PID1: variants seen among roughly 807,000 people sequenced by gnomAD.
The protein encoded by PID1 is phosphotyrosine interaction domain containing 1.
A neutral mutation model predicts 19.1 loss-of-function variants in PID1; 10 were observed. The ratio of observed to expected loss-of-function variants is 0.52; its 90% CI spans 0.32 to 0.89. The LOEUF is 0.89. Ranked by LOEUF, PID1 falls within the 40% of genes least tolerant of loss-of-function variation. The pLI, the probability that PID1 is intolerant of heterozygous loss-of-function variation, is 0.03. For missense variants in PID1, 248 were observed against 285.3 expected, an observed-to-expected ratio of 0.87 and a Z score of 0.94; for synonymous variants, 130 against 116.0, an observed-to-expected ratio of 1.12 and a Z score of -0.78.
chr2:229,116,249 T>C (rs1695409639), intron 2 of PID1, among the ~76,000 whole-genome samples: 1 of 152,048 alleles, frequency 6.6e-6, no homozygotes, highest in South Asian at 2.1e-4. Context: ...TTAATAAATA[T>C]TCAGAAGAAG....
chr2:229,214,454 G>T (rs908134080), intron 1 of PID1, among the ~76,000 whole-genome samples: 1 of 152,076 alleles, frequency 6.6e-6, no homozygotes, highest in Non-Finnish European at 1.5e-5. Context: ...AGATCCTGAG[G>T]ATATTGAAGG....
At position 229,025,645 on chromosome 2, in the gene PID1, G is replaced by A; in HGVS notation, c.641C>T (p.Ser214Phe). 6.2e-7 allele frequency: 1 copy of A among 1,609,158 alleles called. No homozygotes were observed. The highest frequency in any genetic ancestry group is 2.2e-5 in the East Asian group (1 of 44,696). ...TCTCAAGTTCATTCAGCCATCATCGGATTCCAATTCCTGGGAAACCTCTTC... is the reference window on the plus strand; with the variant it reads ...TCTCAAGTTCATTCAGCCATCATCGAATTCCAATTCCTGGGAAACCTCTTC... Reference protein sequence around the residue: ...SSEEVSQELESDDG With the variant: ...SSEEVSQELEFDDG Residue 214 changes from serine to phenylalanine, a missense_variant, in exon 3 of 3, where the codon TCC becomes TTC. Physicochemically the swap from Ser to Phe is radical, Grantham distance 155 (BLOSUM62 -2). Transcript: ENST00000392055.
intron 2 of PID1, among the ~76,000 whole-genome samples, chr2:229,093,273 GC>G (rs1694911567): frequency 6.6e-6 from 1 of 151,854 alleles, no homozygotes; most frequent in Non-Finnish European, 1.5e-5. Context: ...ACAGGTGCAT[GC>G]CACCATGCCC....
At chr2:229,144,044 A>T (rs1690074788) in intron 2 of PID1, among the ~76,000 whole-genome samples, 1 of 152,192 alleles carries the variant, frequency 6.6e-6, no homozygotes, top group Non-Finnish European at 1.5e-5. Context: ...GGGATCATAG[A>T]AGTCAATGGT....
At chr2:229,186,745 G>A (rs2106226770) in intron 1 of PID1, among the ~76,000 whole-genome samples, 1 of 152,286 alleles carries the variant, frequency 6.6e-6, no homozygotes, top group South Asian at 2.1e-4. Flanking sequence ...TTGTCTTGGG[G>A]ACTAACTTTT....
chr2:229,232,146 G>C (rs1210996631), intron 1 of PID1: 1 of 1,444,352 alleles, frequency 6.9e-7, no homozygotes, highest in Non-Finnish European at 9.1e-7. Context: ...CCTCTTGGCC[G>C]GGTGCAGTGG....
At chr2:229,060,692 A>G (rs1342669300) in intron 2 of PID1, among the ~76,000 whole-genome samples, 1 of 152,132 alleles carries the variant, frequency 6.6e-6, no homozygotes, top group Non-Finnish European at 1.5e-5. Flanking sequence ...AGGCACCTCT[A>G]TACAGTTTTC....
rs1024982228 is a variant in PID1 at position 229,106,121 on chromosome 2, G to C, written c.177+49697C>G. ...AGAAGAAGAAAGAAAGAAATAAACA[G>C]AGGCCAATTATCTAAAGAAAATATA... On this transcript the variant is annotated intron_variant, in intron 2 of 2. Coordinates refer to ENST00000392055, the MANE Select transcript of PID1 (RefSeq NM_001100818.2). Among the ~76,000 whole-genome samples the C allele has an allele frequency of 7.6e-5, 11 of 145,584 alleles. No individual in the cohort carries two copies. The East Asian group carries it at 2.2e-3, about 29-fold the overall frequency.
intron 2 of PID1, among the ~76,000 whole-genome samples, chr2:229,033,139 A>G (rs1693590934): frequency 6.6e-6 from 1 of 152,080 alleles, no homozygotes; most frequent in Admixed American, 6.6e-5. Context: ...CTGGCCTGAG[A>G]AGCTGCTGTT....
At chr2:229,182,690 A>T (rs73998586) in intron 1 of PID1, among the ~76,000 whole-genome samples, 1 of 152,172 alleles carries the variant, frequency 6.6e-6, no homozygotes, top group Non-Finnish European at 1.5e-5. Context: ...TCATCATGAC[A>T]GTTCCCTTTC....
chr2:229,120,713 T>C (rs531429257), intron 2 of PID1, among the ~76,000 whole-genome samples: 2 of 152,058 alleles, frequency 1.3e-5, no homozygotes, highest in South Asian at 2.1e-4. Context: ...AAAACTCATG[T>C]TGAAATTTGG....
At chr2:229,136,936 C>T (rs1318897324) in intron 2 of PID1, among the ~76,000 whole-genome samples, 1 of 152,160 alleles carries the variant, frequency 6.6e-6, no homozygotes, top group African/African-American at 2.4e-5. Context: ...AGAAATGAGC[C>T]ATAAACTAAA....
chr2:229,033,099 T>C (rs933997217), intron 2 of PID1, among the ~76,000 whole-genome samples: 1 of 152,192 alleles, frequency 6.6e-6, no homozygotes, highest in Non-Finnish European at 1.5e-5. Flanking sequence ...GTACCATTTG[T>C]TTCCCCTGGT....
chr2:229,211,808 A>G (rs1691743908), intron 1 of PID1, among the ~76,000 whole-genome samples: 1 of 152,230 alleles, frequency 6.6e-6, no homozygotes, highest in Non-Finnish European at 1.5e-5. Flanking sequence ...AGCTATACAC[A>G]TCCCTTCCAA....
rs533369515 is a variant in PID1, at chr2:229,052,407, T to C, written c.178-26299A>G. ...CCAATTAAATATTCTGTTTTAAAGA[T>C]AGTTTAATTTTAACTAAGGTGTTTA... is the stretch of plus-strand genomic sequence containing the variant. On this transcript the variant is annotated intron_variant, in intron 2 of 2. Transcript: ENST00000392055. Among the ~76,000 whole-genome samples, 4 of 152,304 alleles carry C rather than the reference T, an allele frequency of 2.6e-5. No individual in the cohort carries two copies. The South Asian group carries it at 8.3e-4, about 32-fold the overall frequency.
chr2:229,088,933 G>A (rs901661964), intron 2 of PID1, among the ~76,000 whole-genome samples: 6 of 152,108 alleles, frequency 3.9e-5, no homozygotes, highest in Admixed American at 3.9e-4. Flanking sequence ...AATTATTTTT[G>A]TGCTTGCAAA....
At chr2:229,242,083 C>T (rs978320807) in intron 1 of PID1, among the ~76,000 whole-genome samples, 3 of 152,050 alleles carry the variant, frequency 2.0e-5, no homozygotes, top group Admixed American at 6.6e-5. Flanking sequence ...TTCACCCAGG[C>T]TTTTCTCAAG....
intron 2 of PID1, among the ~76,000 whole-genome samples, chr2:229,075,973 T>C (rs1694549152): frequency 6.6e-6 from 1 of 152,158 alleles, no homozygotes; most frequent in South Asian, 2.1e-4. Context: ...TTACTTTCCT[T>C]TCCCTGATTC....
At chr2:229,083,957 T>C (rs1459833283) in intron 2 of PID1, among the ~76,000 whole-genome samples, 1 of 152,234 alleles carries the variant, frequency 6.6e-6, no homozygotes, top group Non-Finnish European at 1.5e-5. Context: ...TTCTTTGCGT[T>C]ACTTTAACCA....
Sources: allele counts gnomAD v4.1 joint callset (sites outside exome capture counted in the v4.1 genomes callset), GRCh38; gene constraint gnomAD v4.1.1; transcripts MANE v1.5; gene names NCBI Gene and HGNC (gene_info 2026-07-23, HGNC 2026-07-21).